Variants in ATP6V0A4 observed in about 807,000 individuals in gnomAD.
The protein encoded by ATP6V0A4 is ATPase H+ transporting V0 subunit a4, also known as V-type proton ATPase 116 kDa subunit a 4.
ATP6V0A4 carries 86 observed loss-of-function variants against 107.3 expected under a neutral mutation model. The observed-to-expected ratio is 0.80, with a 90% CI of 0.67 to 0.96. The LOEUF (loss-of-function observed/expected upper bound fraction) is 0.96, where lower values mean the gene tolerates loss of function less well. Among genes scored for constraint, ATP6V0A4 ranks in the 40% least tolerant of loss-of-function variants. ATP6V0A4 has a pLI of 0.00. For missense variants in ATP6V0A4, 908 were observed against 1,045.6 expected, an observed-to-expected ratio of 0.87 and a Z score of 1.81; for synonymous variants, 353 against 381.4, an observed-to-expected ratio of 0.93 and a Z score of 0.87.
At position 138,747,529 on chromosome 7, in the gene ATP6V0A4, C is replaced by A. The variant is rs766990749; in HGVS notation, c.1216G>T (p.Ala406Ser). ...TGACCACAGTCTCCAAACATCACAG[C>A]GAACAGGAAGGGGAAAGTGATGATG... is the stretch of plus-strand genomic sequence containing the variant. ...YTIITFPFLFAVMFGDCGHGT... is the reference protein window; with the variant it reads ...YTIITFPFLFSVMFGDCGHGT... Residue 406 changes from alanine to serine, a missense_variant, in exon 13 of 22, where the codon GCT becomes TCT. Physicochemically the swap from Ala to Ser is moderately conservative, Grantham distance 99 (BLOSUM62 1). Coordinates refer to ENST00000310018, the MANE Select transcript of ATP6V0A4 (RefSeq NM_020632.3). 6.2e-7 allele frequency: 1 copy of A among 1,614,024 alleles called. No individual in the cohort carries two copies. The highest frequency in any genetic ancestry group is 8.5e-7 in the Non-Finnish European group (1 of 1,180,036).
chr7:138,745,356 T>C (rs1267027328), intron 13 of ATP6V0A4, 76 bp from the exon 14 acceptor site: 3 of 1,605,362 alleles, frequency 1.9e-6, no homozygotes, highest in Non-Finnish European at 2.5e-6. Flanking sequence ...TTCTACAGGA[T>C]ATCTCCAGCA....
In ATP6V0A4 at chr7:138,726,293, A is replaced by AT. The variant is rs537087572; in HGVS notation, c.2010+2467dup. ...CGTGAGCCACCGTGCCCGGCCGAAGATTTTAAATAGAAACACACAGTTATT... is the reference window on the plus strand; with the variant it reads ...CGTGAGCCACCGTGCCCGGCCGAAGATTTTTAAATAGAAACACACAGTTATT... On this transcript the variant is annotated intron_variant, in intron 18 of 21. Transcript: ENST00000310018. 2.6e-5 allele frequency among the ~76,000 whole-genome samples: 4 copies of AT among 152,302 alleles called. No individual in the cohort carries two copies. In the South Asian group the frequency reaches 8.3e-4, roughly 32 times the overall value.
Position 138,715,750 on chromosome 7 carries a change from G to A in ATP6V0A4, c.2257+14C>T. 2.5e-6 allele frequency: 4 copies of A among 1,613,032 alleles called. No homozygotes were observed. Among genetic ancestry groups the A allele is most frequent in the Non-Finnish European group, 3.4e-6 (4 of 1,179,330 alleles). ...GGGAGAGCTGACTGTCCCCCCGATG[G>A]GCTGCTCACTCACGTGCATGAGCCA... is the stretch of plus-strand genomic sequence containing the variant. On this transcript the variant is annotated intron_variant, in intron 20 of 21. Coordinates refer to ENST00000310018, the MANE Select transcript of ATP6V0A4 (RefSeq NM_020632.3).
chr7:138,759,052 A>ATTTTTTTTTT lies in ATP6V0A4; in HGVS notation c.639+690_639+699dup, dbSNP rs33940158. Among the ~76,000 whole-genome samples the ATTTTTTTTTT allele has an allele frequency of 1.0e-3, 55 of 54,566 alleles. 3 individuals are homozygous for ATTTTTTTTTT. Among genetic ancestry groups the ATTTTTTTTTT allele is most frequent in the African/African-American group, 4.6e-3 (53 of 11,458 alleles). The allele number at this position is 54,566 out of a possible 152,430, so 35.8% of individuals were successfully genotyped here. A position where few individuals can be genotyped will look rare whatever the true frequency, so the allele number is the denominator to read the frequency against. ...AGGCATGAGCCACCATGCCCAGCCT[A>ATTTTTTTTTT]TTTTTTTTTTTTTTTTTTTTTTTTT... On this transcript the variant is annotated intron_variant, in intron 8 of 21. Transcript: ENST00000310018.
At chr7:138,791,709 T>G (rs1284950574) in intron 1 of ATP6V0A4, among the ~76,000 whole-genome samples, 1 of 152,218 alleles carries the variant, frequency 6.6e-6, no homozygotes, top group Non-Finnish European at 1.5e-5. Context: ...CAACCTTACA[T>G]TTTGTACCCA....
chr7:138,777,799 G>A (rs1807737971), intron 2 of ATP6V0A4, among the ~76,000 whole-genome samples: 1 of 152,116 alleles, frequency 6.6e-6, no homozygotes, highest in African/African-American at 2.4e-5. Flanking sequence ...ACAGAAGATA[G>A]ACCCTCTGAG....
chr7:138,730,341 A>AGTGTGTGT (rs369725759), intron 17 of ATP6V0A4, among the ~76,000 whole-genome samples: 3,650 of 140,042 alleles, frequency 0.026, 60 homozygotes, highest in East Asian at 0.049. Flanking sequence ...CAACGGGATG[A>AGTGTGTGT]GTGTGTGTGT....
In ATP6V0A4 at chr7:138,739,643, G is replaced by C; in HGVS notation, c.1479-10C>G. The C allele has an allele frequency of 6.2e-7, 1 of 1,613,878 alleles. No individual in the cohort carries two copies. The highest frequency in any genetic ancestry group is 8.5e-7 in the Non-Finnish European group (1 of 1,179,962). ...CTCCATTACATGAGTACTTTAGAGG[G>C]AGAAAAGGAGAAAAACAAACAATGA... On this transcript the variant is annotated splice_polypyrimidine_tract_variant and intron_variant, in intron 14 of 21. Coordinates refer to ENST00000310018, the MANE Select transcript of ATP6V0A4 (RefSeq NM_020632.3).
chr7:138,764,437 T>C (rs927682321), intron 5 of ATP6V0A4, among the ~76,000 whole-genome samples: 3 of 151,956 alleles, frequency 2.0e-5, no homozygotes, highest in East Asian at 1.9e-4. Context: ...AGTGAAACTA[T>C]AGAACAAAGA....
At chr7:138,724,987 G>A (rs1291941134) in intron 18 of ATP6V0A4, among the ~76,000 whole-genome samples, 2 of 152,114 alleles carry the variant, frequency 1.3e-5, no homozygotes, top group Non-Finnish European at 2.9e-5. Flanking sequence ...AAAAACACAT[G>A]TGGCTGGGCA....
At chr7:138,769,961 G>A (rs1807295245) in intron 3 of ATP6V0A4, among the ~76,000 whole-genome samples, 2 of 152,122 alleles carry the variant, frequency 1.3e-5, no homozygotes, top group Non-Finnish European at 2.9e-5. Context: ...TGAGGTAGGA[G>A]GATGGCTTGA....
chr7:138,731,024 C>T (rs1804986658), intron 17 of ATP6V0A4, among the ~76,000 whole-genome samples: 1 of 149,992 alleles, frequency 6.7e-6, no homozygotes, highest in African/African-American at 2.5e-5. Context: ...ACCTCTGCCT[C>T]TCAGGTTCAA....
chr7:138,721,515 C>G (rs992797981), intron 19 of ATP6V0A4, among the ~76,000 whole-genome samples: 1 of 152,092 alleles, frequency 6.6e-6, no homozygotes, highest in African/African-American at 2.4e-5. Context: ...GCCTGGGCAA[C>G]AGAGTGAGAC....
intron 2 of ATP6V0A4, among the ~76,000 whole-genome samples, chr7:138,778,015 A>T (rs1807748919): frequency 6.6e-6 from 1 of 152,192 alleles, no homozygotes; most frequent in African/African-American, 2.4e-5. Context: ...CACAACACAT[A>T]TTTCATTCAG....
At chr7:138,736,674 C>T (rs1311674402) in intron 15 of ATP6V0A4, among the ~76,000 whole-genome samples, 4 of 151,912 alleles carry the variant, frequency 2.6e-5, no homozygotes, top group Non-Finnish European at 5.9e-5. Flanking sequence ...CGGGTTCAAG[C>T]GATTCTCCTG....
intron 14 of ATP6V0A4, among the ~76,000 whole-genome samples, chr7:138,741,871 G>A (rs532887329): frequency 1.2e-4 from 19 of 152,260 alleles, no homozygotes; most frequent in African/African-American, 4.1e-4. Context: ...TTCAGCTGTC[G>A]TTTTCTTCTG....
intron 13 of ATP6V0A4, among the ~76,000 whole-genome samples, chr7:138,746,340 A>T (rs1267182599): frequency 6.6e-6 from 1 of 152,106 alleles, no homozygotes; most frequent in Non-Finnish European, 1.5e-5. Context: ...CAATCATTCC[A>T]AGAAGTGCTG....
intron 17 of ATP6V0A4, among the ~76,000 whole-genome samples, chr7:138,730,926 T>TTCC (rs1804970667): frequency 1.3e-5 from 1 of 75,198 alleles, no homozygotes; most frequent in Non-Finnish European, 2.4e-5. Context: ...TTTCTTCTTC[T>TTCC]TCTTCTTTTT....
intron 12 of ATP6V0A4, among the ~76,000 whole-genome samples, chr7:138,748,119 T>C (rs1806048695): frequency 1.3e-5 from 2 of 151,836 alleles, no homozygotes; most frequent in South Asian, 4.2e-4. Context: ...GCTAAGTGAC[T>C]TGTCAAAAAT....
Sources: allele counts gnomAD v4.1 joint callset (sites outside exome capture counted in the v4.1 genomes callset), GRCh38; gene constraint gnomAD v4.1.1; transcripts MANE v1.5; gene names NCBI Gene and HGNC (gene_info 2026-07-23, HGNC 2026-07-21).